The following DTNA variants were observed in gnomAD, a reference collection of about 807,000 sequenced individuals.
The protein encoded by DTNA is dystrophin-related protein 3.
DTNA carries 43 observed loss-of-function variants against 100.7 expected under a neutral mutation model. The observed-to-expected ratio is 0.43, with a 90% CI of 0.33 to 0.55. The LOEUF is 0.55. Among genes scored for constraint, DTNA ranks in the 20% least tolerant of loss-of-function variants. The probability of loss-of-function intolerance (pLI) is 0.04; values close to 1 mark genes in which losing one functional copy is unlikely to be tolerated. For synonymous variants in DTNA, 349 were observed against 347.9 expected, an observed-to-expected ratio of 1.00 and a Z score of -0.04; for missense variants, 798 against 953.9, an observed-to-expected ratio of 0.84 and a Z score of 2.15.
chr18:34,699,878 G>A (rs1253747903), intron 1 of DTNA, among the ~76,000 whole-genome samples: 2 of 152,000 alleles, frequency 1.3e-5, no homozygotes, highest in African/African-American at 4.8e-5. Flanking sequence ...AAAAAAACTT[G>A]GCTAGCTTAA....
At chr18:34,510,952 T>A (rs574536972) in intron 1 of DTNA, among the ~76,000 whole-genome samples, 1 of 152,098 alleles carries the variant, frequency 6.6e-6, no homozygotes, top group East Asian at 1.9e-4. Context: ...GAAGTTGAAA[T>A]GTAAGAATGG....
At chr18:34,637,025 T>G (rs1433318748) in intron 1 of DTNA, among the ~76,000 whole-genome samples, 1 of 152,200 alleles carries the variant, frequency 6.6e-6, no homozygotes, top group Non-Finnish European at 1.5e-5. Flanking sequence ...ATAAAATTGT[T>G]GGCACCTGCC....
chr18:34,647,211 G>A (rs2059948795), intron 1 of DTNA, among the ~76,000 whole-genome samples: 1 of 152,034 alleles, frequency 6.6e-6, no homozygotes, highest in African/African-American at 2.4e-5. Context: ...TATTAGAAAA[G>A]CCACATGTAT....
intron 1 of DTNA, among the ~76,000 whole-genome samples, chr18:34,703,533 C>T (rs940048928): frequency 2.0e-5 from 3 of 152,138 alleles, no homozygotes; most frequent in African/African-American, 7.2e-5. Context: ...CTCCCTTTCA[C>T]ATGTCACTAT....
chr18:34,502,551 T>C lies in DTNA; in HGVS notation c.-2+9037T>C, dbSNP rs2040042809. Among the ~76,000 whole-genome samples the C allele has an allele frequency of 5.3e-5, 8 of 152,336 alleles. No homozygotes were observed. The South Asian group carries it at 1.7e-3, about 32-fold the overall frequency. ...ACTGTATCCCATACATTTTTGTATA[T>C]TGTATTTTCATTTTTATTTAGTTGA... On this transcript the variant is annotated intron_variant, in intron 1 of 19. Coordinates refer to the DTNA transcript ENST00000283365.
intron 1 of DTNA, among the ~76,000 whole-genome samples, chr18:34,671,231 T>C (rs751881139): frequency 2.6e-5 from 4 of 152,186 alleles, no homozygotes; most frequent in Non-Finnish European, 5.9e-5. Context: ...CTCCGAGCCA[T>C]GCGCAGGATA....
chr18:34,856,923 G>T (rs2096559176), intron 15 of DTNA, among the ~76,000 whole-genome samples: 1 of 152,186 alleles, frequency 6.6e-6, no homozygotes, highest in Admixed American at 6.5e-5. Context: ...AATAGCAGGA[G>T]TCATAGAATA....
chr18:34,525,737 A>C (rs547961515), intron 1 of DTNA, among the ~76,000 whole-genome samples: 2 of 152,310 alleles, frequency 1.3e-5, no homozygotes, highest in Non-Finnish European at 2.9e-5. Context: ...AGAAAAAGCC[A>C]AACATTTTCC....
At position 34,541,061 on chromosome 18, in the gene DTNA, A is replaced by T. The variant is rs1000097564; in HGVS notation, c.-2+47547A>T. Among the ~76,000 whole-genome samples, 3 of 152,118 alleles carry T rather than the reference A, an allele frequency of 2.0e-5. No homozygotes were observed. The East Asian group carries it at 5.8e-4, about 29-fold the overall frequency. On this transcript the variant is annotated intron_variant, in intron 1 of 19. Transcript: ENST00000283365. Reference sequence around the variant, plus strand: ...TAAAAATTGGGCTATGCAGTAAGACATAATATTCTTCAGCGGTGAGAACAC... The same window carrying T: ...TAAAAATTGGGCTATGCAGTAAGACTTAATATTCTTCAGCGGTGAGAACAC...
chr18:34,633,188 G>A (rs1250280291), intron 1 of DTNA, among the ~76,000 whole-genome samples: 1 of 152,086 alleles, frequency 6.6e-6, no homozygotes, highest in Non-Finnish European at 1.5e-5. Flanking sequence ...CAAAAGTCCA[G>A]TGTGAGTTAA....
At chr18:34,707,929 C>A (rs867378209), upstream of DTNA, among the ~76,000 whole-genome samples, 1 of 152,140 alleles carries the variant, frequency 6.6e-6, no homozygotes, top group Admixed American at 6.5e-5. Context: ...TGGAGCAGTG[C>A]CAAAGCTATT....
chr18:34,611,869 G>A (rs188031888), intron 1 of DTNA, among the ~76,000 whole-genome samples: 89 of 152,310 alleles, frequency 5.8e-4, no homozygotes, highest in African/African-American at 2.1e-3. Flanking sequence ...GGGGTCTCGG[G>A]CATCTCGCTG....
Position 34,887,826 on chromosome 18 carries a change from T to C in DTNA, c.*92T>C. 2 of 986,050 alleles carry C rather than the reference T, an allele frequency of 2.0e-6. No individual in the cohort carries two copies. Among genetic ancestry groups the C allele is most frequent in the Non-Finnish European group, 2.4e-6 (2 of 830,010 alleles). The allele number at this position is 986,050 out of a possible 1,614,324, so 61.1% of individuals were successfully genotyped here. A position where few individuals can be genotyped will look rare whatever the true frequency, so the allele number is the denominator to read the frequency against. ...GAAAACTGGTGATGATGGAGAGCCC[T>C]GTGGCCACACAGAGGAGGAAGACAG... On this transcript the variant is annotated 3_prime_UTR_variant, in exon 23 of 23. Coordinates refer to ENST00000444659, the MANE Select transcript of DTNA (RefSeq NM_001386795.1).
At chr18:34,513,547 C>T (rs991200429) in intron 1 of DTNA, 1 of 152,104 alleles carries the variant, frequency 6.6e-6, no homozygotes, top group African/African-American at 2.4e-5. Context: ...GGTGACATCT[C>T]AGCTGTCTAG....
Position 34,811,887 on chromosome 18 carries a change from G to A in DTNA, c.449-72G>A, listed in dbSNP as rs569119422. The A allele has an allele frequency of 1.3e-4, 202 of 1,567,912 alleles. 1 individual carries two copies. The highest frequency in any genetic ancestry group is 1.8e-4 in the Non-Finnish European group (200 of 1,142,744). ...TTTTGCTACTTTTTTGTCATTTGTA[G>A]CAGATATATTGAACAAAAACAGTGG... On this transcript the variant is annotated intron_variant, in intron 5 of 22. Transcript: ENST00000444659.
At chr18:34,680,639 A>G (rs2077975758) in intron 1 of DTNA, among the ~76,000 whole-genome samples, 1 of 152,152 alleles carries the variant, frequency 6.6e-6, no homozygotes, top group African/African-American at 2.4e-5. Context: ...ACAGGTGTAT[A>G]AATTTGGTTT....
intron 1 of DTNA, among the ~76,000 whole-genome samples, chr18:34,696,009 A>G (rs1042455544): frequency 1.4e-4 from 22 of 152,338 alleles, no homozygotes; most frequent in African/African-American, 4.1e-4. Flanking sequence ...AATAGTTAGA[A>G]TAAGCAGACT....
At chr18:34,791,947 C>T (rs911370570) in intron 3 of DTNA, among the ~76,000 whole-genome samples, 2 of 152,216 alleles carry the variant, frequency 1.3e-5, no homozygotes, top group Non-Finnish European at 2.9e-5. Context: ...GCCAGATTTG[C>T]AACCTAGGTC....
intron 1 of DTNA, among the ~76,000 whole-genome samples, chr18:34,575,846 T>A (rs571799373): frequency 1.3e-5 from 2 of 152,306 alleles, no homozygotes; most frequent in South Asian, 4.1e-4. Context: ...AAGTCTATTT[T>A]AACCACAATA....
Sources: allele counts gnomAD v4.1 joint callset (sites outside exome capture counted in the v4.1 genomes callset), GRCh38; gene constraint gnomAD v4.1.1; transcripts MANE v1.5; gene names NCBI Gene and HGNC (gene_info 2026-07-23, HGNC 2026-07-21).